The following SOX5 variants were observed in gnomAD, a reference collection of about 807,000 sequenced individuals.
The protein encoded by SOX5 is transcription factor SOX-5.
In SOX5, 9 loss-of-function variants were observed where a neutral mutation model predicts 92.0. The ratio of observed to expected loss-of-function variants is 0.10; its 90% CI spans 0.06 to 0.17. The LOEUF is 0.17. Among genes scored for constraint, SOX5 ranks in the 10% least tolerant of loss-of-function variants. The pLI is 1.00. For synonymous variants in SOX5, 344 were observed against 336.3 expected, an observed-to-expected ratio of 1.02 and a Z score of -0.25; for missense variants, 642 against 944.5, an observed-to-expected ratio of 0.68 and a Z score of 4.20.
At chr12:23,966,269 C>T (rs1947575359) in intron 4 of SOX5, among the ~76,000 whole-genome samples, 1 of 129,378 alleles carries the variant, frequency 7.7e-6, no homozygotes, top group Non-Finnish European at 1.6e-5. Flanking sequence ...CCTGTACTGA[C>T]TTTTTCTCCT....
At position 23,967,274 on chromosome 12, in the gene SOX5, TAAAA is replaced by T. The variant is rs558694621; in HGVS notation, c.-1-71254_-1-71251del. Among the ~76,000 whole-genome samples the T allele has an allele frequency of 2.4e-3, 371 of 152,222 alleles. 4 individuals carry two copies. In the East Asian group the frequency reaches 0.055, roughly 23 times the overall value. On this transcript the variant is annotated intron_variant, in intron 4 of 4. Transcript: ENST00000446891. Reference sequence around the variant, plus strand: ...TTATAATGTGAAAAATATCTCTGTTTAAAATAGATGCATTACAGCATGAAAAGTC... The same window carrying T: ...TTATAATGTGAAAAATATCTCTGTTTTAGATGCATTACAGCATGAAAAGTC...
chr12:24,091,119 T>C (rs1944585373), intron 4 of SOX5, among the ~76,000 whole-genome samples: 1 of 152,240 alleles, frequency 6.6e-6, no homozygotes. Flanking sequence ...CAAACTTGTT[T>C]TCTGACATTG....
chr12:23,955,934 T>G (rs1211920905), upstream of SOX5, among the ~76,000 whole-genome samples: 2 of 152,238 alleles, frequency 1.3e-5, no homozygotes, highest in Non-Finnish European at 2.9e-5. Flanking sequence ...TCCATTATCT[T>G]GCTACAATGT....
intron 3 of SOX5, among the ~76,000 whole-genome samples, chr12:23,811,898 A>T (rs975218534): frequency 6.6e-6 from 1 of 152,130 alleles, no homozygotes; most frequent in Non-Finnish European, 1.5e-5. Flanking sequence ...TTTAAAAAAG[A>T]CTTATCTCTT....
At chr12:23,958,377 G>A (rs941128977) in intron 4 of SOX5, among the ~76,000 whole-genome samples, 1 of 151,926 alleles carries the variant, frequency 6.6e-6, no homozygotes, top group Non-Finnish European at 1.5e-5. Context: ...AGGTAGAAAT[G>A]CAAAAATAAA....
chr12:23,598,974 T>C (rs980573530), intron 9 of SOX5, among the ~76,000 whole-genome samples: 2 of 152,194 alleles, frequency 1.3e-5, no homozygotes, highest in Admixed American at 6.5e-5. Context: ...AGTAATCTGG[T>C]GTGTATGTGT....
At chr12:24,004,904 A>T in intron 4 of SOX5, among the ~76,000 whole-genome samples, 1 of 152,184 alleles carries the variant, frequency 6.6e-6, no homozygotes, top group South Asian at 2.1e-4. Flanking sequence ...CAAAATGTTT[A>T]TCCATTAATA....
At chr12:23,726,124 AG>A (rs2093105716) in intron 6 of SOX5, among the ~76,000 whole-genome samples, 160 of 9,718 alleles carry the variant, frequency 0.016, 1 homozygote, top group African/African-American at 0.08. Context: ...TCCCCGAGAG[AG>A]AGAGAGAGAG....
chr12:23,907,794 T>C (rs1392279045), intron 1 of SOX5, among the ~76,000 whole-genome samples: 1 of 152,170 alleles, frequency 6.6e-6, no homozygotes, highest in Non-Finnish European at 1.5e-5. Context: ...ATTCAGGCTT[T>C]ATAATACTGC....
Position 23,740,885 on chromosome 12 carries a change from G to C in SOX5, c.723C>G (p.Ala241=), listed in dbSNP as rs184892176. 3.7e-6 allele frequency: 6 copies of C among 1,611,610 alleles called. No individual in the cohort carries two copies. In the South Asian group the frequency reaches 5.5e-5, roughly 15 times the overall value. Reference sequence around the variant, plus strand: ...TACTCACTTGTTCTTGTTGCTGCTTGGCCAGCTCCATTTGCTGACGCTGTT... The same window carrying C: ...TACTCACTTGTTCTTGTTGCTGCTTCGCCAGCTCCATTTGCTGACGCTGTT... ...IEKQRQQMEL[A]KQQQEQIARQ... The change falls in exon 5 of 15, where the codon GCC becomes GCG. Residue 241 remains alanine (A), a synonymous_variant. Coordinates refer to ENST00000451604, the MANE Select transcript of SOX5 (RefSeq NM_006940.6).
intron 4 of SOX5, among the ~76,000 whole-genome samples, chr12:23,970,824 C>CCA (rs1948140467): frequency 1.3e-4 from 1 of 7,980 alleles, no homozygotes; most frequent in East Asian, 0.023. Flanking sequence ...TCACATGGGA[C>CCA]TTTATATATA....
At chr12:23,562,734 G>A (rs895535251) in intron 11 of SOX5, among the ~76,000 whole-genome samples, 3 of 152,090 alleles carry the variant, frequency 2.0e-5, no homozygotes, top group Middle Eastern at 3.2e-3. Flanking sequence ...TAACGTCAAA[G>A]TTTTTAATAA....
intron 8 of SOX5, among the ~76,000 whole-genome samples, chr12:23,631,227 T>C (rs2078492971): frequency 6.6e-6 from 1 of 152,102 alleles, no homozygotes; most frequent in Non-Finnish European, 1.5e-5. Flanking sequence ...ATTAAGGTGA[T>C]AACTCTTATT....
chr12:24,349,367 A>G (rs922952489), intron 2 of SOX5, among the ~76,000 whole-genome samples: 5 of 152,194 alleles, frequency 3.3e-5, no homozygotes, highest in Non-Finnish European at 5.9e-5. Context: ...CTGTGCAACC[A>G]ATCTCCAGAA....
At chr12:23,838,631 C>A (rs755114552) in intron 3 of SOX5, among the ~76,000 whole-genome samples, 2 of 151,956 alleles carry the variant, frequency 1.3e-5, no homozygotes, top group Admixed American at 6.6e-5. Flanking sequence ...CTCCTCAGCT[C>A]AGCTTTTAAT....
intron 2 of SOX5, among the ~76,000 whole-genome samples, chr12:24,281,811 A>G (rs114170269): frequency 1.6e-3 from 238 of 152,328 alleles, no homozygotes; most frequent in African/African-American, 5.6e-3. Flanking sequence ...CTCTTTGATA[A>G]TGAAAAGGCT....
chr12:23,815,002 C>T (rs998690624), intron 3 of SOX5, among the ~76,000 whole-genome samples: 1 of 152,066 alleles, frequency 6.6e-6, no homozygotes, highest in African/African-American at 2.4e-5. Context: ...CTATAAACTG[C>T]AAAAGAGTTT....
chr12:24,443,106 A>C (rs1818329), intron 1 of SOX5, among the ~76,000 whole-genome samples: 151,461 of 152,160 alleles, frequency 1, 75,387 homozygotes, highest in East Asian at 1. Flanking sequence ...CGCACACTGC[A>C]ACATCTGGCT....
intron 6 of SOX5, among the ~76,000 whole-genome samples, chr12:23,684,285 T>C (rs2087146845): frequency 6.6e-6 from 1 of 152,064 alleles, no homozygotes; most frequent in South Asian, 2.1e-4. Flanking sequence ...CACACAATTA[T>C]TGTGCTGGGA....
Sources: gnomAD v4.1 joint callset for allele counts (sites outside exome capture counted in the v4.1 genomes callset) on GRCh38, gnomAD v4.1.1 for gene constraint, MANE v1.5 for transcripts, NCBI Gene and HGNC (gene_info 2026-07-23, HGNC 2026-07-21) for gene names.